Variants in ASH1L observed in about 807,000 individuals in gnomAD.
ASH1L encodes ASH1 like histone lysine methyltransferase, also known as histone-lysine N-methyltransferase ASH1L.
ASH1L carries 23 observed loss-of-function variants against 269.0 expected under a neutral mutation model. The ratio of observed to expected loss-of-function variants is 0.09; its 90% confidence interval spans 0.06 to 0.12. The LOEUF (loss-of-function observed/expected upper bound fraction) is 0.12, where lower values mean the gene tolerates loss of function less well. Ranked by LOEUF, ASH1L falls within the 10% of genes least tolerant of loss-of-function variation. ASH1L has a pLI of 1.00. For missense variants in ASH1L, 2,912 were observed against 3,567.8 expected (o/e 0.82, Z 4.68); for synonymous variants, 1,187 against 1,253.5 (o/e 0.95, Z 1.12).
chr1:155,380,303 G>A (rs763273930), intron 7 of ASH1L, among the ~76,000 whole-genome samples, 187 bp from the exon 8 acceptor site: 9 of 152,024 alleles, frequency 5.9e-5, no homozygotes, highest in African/African-American at 1.7e-4. Flanking sequence ...GATATATGCC[G>A]AAGATATATT....
At chr1:155,497,787 C>T (rs929421326) in intron 2 of ASH1L, among the ~76,000 whole-genome samples, 8 of 149,986 alleles carry the variant, frequency 5.3e-5, no homozygotes, top group Non-Finnish European at 1.2e-4. Flanking sequence ...CTCACTCTGT[C>T]GCTCAGGCTG....
intron 7 of ASH1L, among the ~76,000 whole-genome samples, chr1:155,381,817 G>A (rs1444080840): frequency 6.6e-6 from 1 of 151,664 alleles, no homozygotes; most frequent in Non-Finnish European, 1.5e-5. Flanking sequence ...AGAGGTAGAG[G>A]TGGAGGTTGC....
chr1:155,431,179 T>C (rs962808596), intron 5 of ASH1L, among the ~76,000 whole-genome samples: 2 of 151,808 alleles, frequency 1.3e-5, no homozygotes, highest in African/African-American at 4.8e-5. Context: ...TACTCCAGCC[T>C]GGGCAACAGA....
chr1:155,516,841 A>C (rs1170732406), intron 2 of ASH1L, among the ~76,000 whole-genome samples: 1 of 152,166 alleles, frequency 6.6e-6, no homozygotes, highest in Non-Finnish European at 1.5e-5. Flanking sequence ...AGTAAATTTA[A>C]AACAATTCTG....
intron 2 of ASH1L, among the ~76,000 whole-genome samples, chr1:155,512,209 G>C (rs994036101): frequency 6.6e-6 from 1 of 151,936 alleles, no homozygotes; most frequent in Non-Finnish European, 1.5e-5. Flanking sequence ...AGGAGTTCCA[G>C]GGCTGCTTCT....
At position 155,479,800 on chromosome 1, in the gene ASH1L, T is replaced by C. The variant is rs550340081; in HGVS notation, c.3070A>G (p.Ser1024Gly). The change falls in exon 3 of 28, where the codon AGT (serine) becomes GGT (glycine). Residue 1024 changes from serine (S) to glycine (G), a missense_variant. This residue lies in a region of ASH1L where 715 missense variants were observed against 721.0 expected (regional missense o/e 0.99). Coordinates refer to ENST00000392403, the MANE Select transcript of ASH1L (RefSeq NM_018489.3). ...TTAGAGCCAAATGTGGCAGCAAGAC[T>C]TGATACCGTATTATGGAGTTTGGAT... The part of the protein sequence containing the change: ...VQSKLHNTVS[S>G]LAATFGSKLG... The C allele has an allele frequency of 3.7e-6, 6 of 1,614,116 alleles. No homozygotes were observed. In the Admixed American group the frequency reaches 8.3e-5, roughly 22 times the overall value.
chr1:155,405,567 T>C (rs370636553), intron 6 of ASH1L, among the ~76,000 whole-genome samples: 3 of 151,932 alleles, frequency 2.0e-5, no homozygotes, highest in African/African-American at 7.3e-5. Flanking sequence ...TGGTCACTCA[T>C]CCCTGTAATC....
intron 5 of ASH1L, among the ~76,000 whole-genome samples, chr1:155,425,151 G>A (rs1269387465): frequency 6.6e-6 from 1 of 151,880 alleles, no homozygotes; most frequent in Non-Finnish European, 1.5e-5. Context: ...TGTATTTTTA[G>A]TAGAGACAGG....
chr1:155,383,934 T>C (rs1657195142), intron 7 of ASH1L, among the ~76,000 whole-genome samples: 1 of 152,172 alleles, frequency 6.6e-6, no homozygotes, highest in Non-Finnish European at 1.5e-5. Context: ...TTGTGTTATG[T>C]ATATTTTACT....
intron 20 of ASH1L, among the ~76,000 whole-genome samples, chr1:155,346,945 C>T (rs1653394917): frequency 6.6e-6 from 1 of 152,226 alleles, no homozygotes; most frequent in South Asian, 2.1e-4. Context: ...TTGACTTCTT[C>T]ATCAGGAGCC....
At chr1:155,405,651 G>A (rs1349176021) in intron 6 of ASH1L, among the ~76,000 whole-genome samples, 1 of 151,756 alleles carries the variant, frequency 6.6e-6, no homozygotes, top group Non-Finnish European at 1.5e-5. Context: ...CCAACATGAT[G>A]AAACCCTGTC....
At chr1:155,515,253 G>A (rs1167493588) in intron 2 of ASH1L, among the ~76,000 whole-genome samples, 1 of 152,124 alleles carries the variant, frequency 6.6e-6, no homozygotes, top group African/African-American at 2.4e-5. Flanking sequence ...AAAGTTGGAC[G>A]AATTGGACTA....
intron 12 of ASH1L, among the ~76,000 whole-genome samples, chr1:155,365,741 T>A (rs1444253309): frequency 6.6e-6 from 1 of 152,164 alleles, no homozygotes; most frequent in Admixed American, 6.6e-5. Flanking sequence ...ACTGGCCTCA[T>A]ACCTTTTCCA....
chr1:155,381,713 A>T (rs1279441922), intron 7 of ASH1L, among the ~76,000 whole-genome samples: 1 of 150,700 alleles, frequency 6.6e-6, no homozygotes, highest in Non-Finnish European at 1.5e-5. Flanking sequence ...CAACTCTACT[A>T]AAAATACAAA....
In ASH1L at chr1:155,539,244, C is replaced by T. The variant is rs192531046; in HGVS notation, c.-99-17626G>A. Among the ~76,000 whole-genome samples the T allele has an allele frequency of 2.5e-3, 384 of 151,546 alleles. 2 individuals are homozygous for T. Among genetic ancestry groups the T allele is most frequent in the African/African-American group, 8.8e-3 (365 of 41,314 alleles). ...ACTATTCTCACTCCCTTATTGTCAACCTTCAACCTAACACCAAAACTTCTG... is the reference window on the plus strand; with the variant it reads ...ACTATTCTCACTCCCTTATTGTCAATCTTCAACCTAACACCAAAACTTCTG... On this transcript the variant is annotated intron_variant, in intron 1 of 27. Transcript: ENST00000392403.
chr1:155,365,372 A>ATTTTTTTTTTTT (rs142145021), intron 12 of ASH1L, among the ~76,000 whole-genome samples: 37 of 124,204 alleles, frequency 3.0e-4, no homozygotes, highest in Non-Finnish European at 3.5e-4. Flanking sequence ...TGCCCGGCTG[A>ATTTTTTTTTTTT]TTTTTTTTTT....
At chr1:155,361,614 G>A (rs1488214245) in intron 12 of ASH1L, among the ~76,000 whole-genome samples, 5 of 149,434 alleles carry the variant, frequency 3.3e-5, no homozygotes, top group African/African-American at 7.4e-5. Flanking sequence ...CAGGAGAATC[G>A]CTTGAACCCG....
intron 10 of ASH1L, among the ~76,000 whole-genome samples, chr1:155,372,899 A>C (rs1240231351): frequency 3.3e-5 from 5 of 152,034 alleles, no homozygotes; most frequent in Non-Finnish European, 5.9e-5. Flanking sequence ...CTGAACCCAT[A>C]GTAGTTAGGG....
At chr1:155,406,674 C>A (rs1368128630) in intron 6 of ASH1L, among the ~76,000 whole-genome samples, 1 of 152,072 alleles carries the variant, frequency 6.6e-6, no homozygotes, top group Non-Finnish European at 1.5e-5. Context: ...ATACTCCAGG[C>A]TGGGCCTTAG....
Sources: allele counts gnomAD v4.1 joint callset (sites outside exome capture counted in the v4.1 genomes callset), GRCh38; gene constraint gnomAD v4.1.1; regional missense constraint gnomAD v4.1.1; transcripts MANE v1.5; gene names NCBI Gene and HGNC (gene_info 2026-07-23, HGNC 2026-07-21).